Variants in DOCK7 observed in about 807,000 individuals in gnomAD.
DOCK7 encodes dedicator of cytokinesis 7.
A neutral mutation model predicts 271.0 loss-of-function variants in DOCK7; 138 were observed. The observed-to-expected ratio is 0.51, with a 90% confidence interval of 0.44 to 0.59. DOCK7 has a LOEUF of 0.59. DOCK7 is among the 20% of genes least tolerant of loss of function. DOCK7 has a pLI of 0.00. For missense variants in DOCK7, 2,066 were observed against 2,592.4 expected, an observed-to-expected ratio of 0.80 and a Z score of 4.41; for synonymous variants, 823 against 876.1, an observed-to-expected ratio of 0.94 and a Z score of 1.07.
At chr1:62,671,145 G>C (rs1659951528) in intron 1 of DOCK7, among the ~76,000 whole-genome samples, 1 of 152,126 alleles carries the variant, frequency 6.6e-6, no homozygotes. Flanking sequence ...CTGAACATCA[G>C]AAGGGACAGA....
intron 35 of DOCK7, among the ~76,000 whole-genome samples, chr1:62,506,475 T>C (rs1392802805): frequency 1.3e-5 from 2 of 151,900 alleles, no homozygotes; most frequent in African/African-American, 2.4e-5. Flanking sequence ...TAAAATCTTT[T>C]TTTTTTTGTT....
rs200800312 is a variant in DOCK7, at chr1:62,496,395, T to C, written c.4867A>G (p.Ile1623Val). The C allele has an allele frequency of 4.3e-5, 69 of 1,613,554 alleles. No individual in the cohort carries two copies. Among genetic ancestry groups the C allele is most frequent in the Admixed American group, 3.3e-5 (2 of 59,986 alleles). Residue 1623 changes from isoleucine to valine, a missense_variant, in exon 38 of 50, where the codon ATA becomes GTA. Physicochemically the swap from Ile to Val is conservative, Grantham distance 29. Around this residue, in one of 2 missense-constraint regions of DOCK7, gnomAD observed 652 missense variants for 922.1 expected, o/e 0.71. Transcript: ENST00000635253. ...AGATCTTCTTCAGCATATGTCAATA[T>C]AGTCTTTAGAGAACGTCTTAAGAAT... ...EEFLRRSLKTILTYAEEDLEL... is the reference protein window; with the variant it reads ...EEFLRRSLKTVLTYAEEDLEL...
At chr1:62,521,317 T>A (rs1167620033) in intron 31 of DOCK7, among the ~76,000 whole-genome samples, 2 of 152,114 alleles carry the variant, frequency 1.3e-5, no homozygotes, top group East Asian at 3.8e-4. Context: ...GAAAAATGCA[T>A]AGGCTGAAAA....
chr1:62,621,785 T>G (rs960983881), intron 12 of DOCK7, among the ~76,000 whole-genome samples: 1 of 152,222 alleles, frequency 6.6e-6, no homozygotes, highest in Non-Finnish European at 1.5e-5. Context: ...AAGTATATTC[T>G]TTTCTTGTGC....
intron 14 of DOCK7, among the ~76,000 whole-genome samples, chr1:62,595,083 T>G (rs1571690941): frequency 7.1e-6 from 1 of 141,606 alleles, no homozygotes. Flanking sequence ...TTTCTTACCC[T>G]TTTGTGGTTC....
rs1656850461 is a variant in DOCK7 at position 62,647,755 on chromosome 1, T to A, written c.754A>T (p.Ser252Cys). The A allele has an allele frequency of 6.2e-7, 1 of 1,609,302 alleles. No homozygotes were observed. The highest frequency in any genetic ancestry group is 1.7e-5 in the Admixed American group (1 of 58,966). The change falls in exon 7 of 50, where the codon AGT (serine) becomes TGT (cysteine). Residue 252 changes from serine to cysteine, a missense_variant. This residue lies in a region of DOCK7 where 1,414 missense variants were observed against 1,670.4 expected (regional missense o/e 0.85). Coordinates refer to ENST00000635253, the MANE Select transcript of DOCK7 (RefSeq NM_001367561.1). ...TGTTCTTTGGGTATATCAGGAACAC[T>A]AAGCCGTTCTATTGGTTCTTCCTAC... ...PDEEEPIERL[S>C]VPDIPKEHFG...
At chr1:62,623,076 C>T (rs1019859390) in intron 12 of DOCK7, among the ~76,000 whole-genome samples, 5 of 152,172 alleles carry the variant, frequency 3.3e-5, no homozygotes, top group African/African-American at 9.7e-5. Context: ...GCCTGGCCAA[C>T]ACATTTTAAA....
intron 22 of DOCK7, among the ~76,000 whole-genome samples, chr1:62,551,605 A>G (rs1176859153): frequency 1.3e-5 from 2 of 152,100 alleles, no homozygotes; most frequent in East Asian, 1.9e-4. Flanking sequence ...TAGATTCCTT[A>G]TAATTTTGAG....
intron 31 of DOCK7, among the ~76,000 whole-genome samples, chr1:62,518,747 G>T (rs1299712060): frequency 6.6e-6 from 1 of 150,490 alleles, no homozygotes; most frequent in Non-Finnish European, 1.5e-5. Flanking sequence ...CTCAACAACA[G>T]CAACAACAAC....
chr1:62,495,159 G>C (rs1036114745), intron 39 of DOCK7: 2 of 152,584 alleles, frequency 1.3e-5, no homozygotes, highest in African/African-American at 4.8e-5. Context: ...GGTGTTAAAT[G>C]TGTGTTATGA....
intron 18 of DOCK7, among the ~76,000 whole-genome samples, chr1:62,569,714 C>G (rs866091387): frequency 8.4e-6 from 1 of 118,726 alleles, no homozygotes; most frequent in African/African-American, 3.2e-5. Context: ...CTCCCCCCTC[C>G]CCCCCCCCTT....
At chr1:62,569,746 C>T (rs1035274926) in intron 18 of DOCK7, among the ~76,000 whole-genome samples, 3 of 127,806 alleles carry the variant, frequency 2.3e-5, no homozygotes, top group African/African-American at 8.6e-5. Context: ...CAGAGTCTCA[C>T]TCTGTCACTC....
chr1:62,505,587 C>T, intron 36 of DOCK7, 95 bp downstream of exon 36: 2 of 1,255,714 alleles, frequency 1.6e-6, no homozygotes, highest in Non-Finnish European at 2.2e-6. Flanking sequence ...TAATATATTA[C>T]TACATATATT....
At chr1:62,606,381 G>A (rs939785433) in intron 14 of DOCK7, among the ~76,000 whole-genome samples, 6 of 150,324 alleles carry the variant, frequency 4.0e-5, no homozygotes, top group African/African-American at 9.8e-5. Flanking sequence ...TAAATTAGAC[G>A]TTTTCCCCAT....
At chr1:62,653,686 C>T in intron 4 of DOCK7, 39 bp downstream of exon 4, 1 of 1,279,184 alleles carries the variant, frequency 7.8e-7, no homozygotes, top group Non-Finnish European at 1.1e-6. Context: ...AGAAATCTTA[C>T]TCAATATTTG....
At position 62,583,166 on chromosome 1, in the gene DOCK7, A is replaced by G. The variant is rs2149492591; in HGVS notation, c.1871+18T>C. On this transcript the variant is annotated intron_variant, in intron 16 of 49. Transcript: ENST00000635253. ...CTGAGAAGTGAGTAACTTTGAAAGA[A>G]ATATTTGAATTCAGTACCTGTTATG... is the stretch of plus-strand genomic sequence containing the variant. 6.3e-7 allele frequency: 1 copy of G among 1,595,770 alleles called. No individual in the cohort carries two copies. The highest frequency in any genetic ancestry group is 2.2e-5 in the East Asian group (1 of 44,712).
chr1:62,537,562 G>A (rs1486307120), intron 28 of DOCK7, among the ~76,000 whole-genome samples: 3 of 148,644 alleles, frequency 2.0e-5, no homozygotes, highest in Non-Finnish European at 4.5e-5. Context: ...CTCCAGCCTG[G>A]GAGAAACAGC....
chr1:62,555,468 T>C, intron 21 of DOCK7: 1 of 164,388 alleles, frequency 6.1e-6, no homozygotes, highest in South Asian at 1.8e-4. Context: ...CATGAGATCC[T>C]CCCACCTCAG....
intron 18 of DOCK7, among the ~76,000 whole-genome samples, chr1:62,566,710 C>G (rs1405079982): frequency 6.6e-6 from 1 of 152,140 alleles, no homozygotes; most frequent in African/African-American, 2.4e-5. Context: ...TCTAATTAAA[C>G]TAAAGAGCTT....
Sources: gnomAD v4.1 joint callset for allele counts (sites outside exome capture counted in the v4.1 genomes callset) on GRCh38, gnomAD v4.1.1 for gene constraint, gnomAD v4.1.1 regional missense constraint, MANE v1.5 for transcripts, NCBI Gene and HGNC (gene_info 2026-07-23, HGNC 2026-07-21) for gene names.